FNBP1: variants seen among roughly 807,000 people sequenced by gnomAD.
The protein encoded by FNBP1 is formin binding protein 1, also known as formin-binding protein 1.
FNBP1 carries 26 observed loss-of-function variants against 90.6 expected under a neutral mutation model. The observed-to-expected ratio is 0.29, with a 90% CI of 0.21 to 0.40. The LOEUF (loss-of-function observed/expected upper bound fraction) is 0.40. FNBP1 is among the 10% of genes least tolerant of loss of function. The pLI is 1.00. For synonymous variants in FNBP1, 260 were observed against 265.2 expected, an observed-to-expected ratio of 0.98 and a Z score of 0.19; for missense variants, 635 against 768.0, an observed-to-expected ratio of 0.83 and a Z score of 2.05.
rs142485571 is a variant in FNBP1 at position 129,895,529 on chromosome 9, T to TA, written c.1846+308dup. On this transcript the variant is annotated intron_variant, in intron 16 of 16. Transcript: ENST00000446176. ...AGAAGCTACAATGCAACTTTTTTTT[T>TA]AATCTACAGATACCGCCAAAAGAAG... is the stretch of plus-strand genomic sequence containing the variant. 7.7e-3 allele frequency: 9,403 copies of TA among 1,213,734 alleles called. 45 individuals carry two copies. The highest frequency in any genetic ancestry group is 0.017 in the Middle Eastern group (54 of 3,130). 75.2% of individuals were successfully genotyped at this position (1,213,734 alleles called of 1,614,324 possible).
chr9:129,969,889 C>CTTTTTT (rs35399090), intron 4 of FNBP1, among the ~76,000 whole-genome samples: 1 of 132,544 alleles, frequency 7.5e-6, no homozygotes. Flanking sequence ...ATATTCCTAA[C>CTTTTTT]TTTTTTTTTT....
chr9:129,977,412 G>C (rs1457800912), intron 4 of FNBP1, among the ~76,000 whole-genome samples: 1 of 151,928 alleles, frequency 6.6e-6, no homozygotes, highest in African/African-American at 2.4e-5. Context: ...AGATAGCAAT[G>C]AATGAGCTGA....
intron 6 of FNBP1, among the ~76,000 whole-genome samples, chr9:129,943,420 CTT>C (rs1161516881): frequency 5.5e-5 from 2 of 36,234 alleles, no homozygotes; most frequent in East Asian, 2.3e-3. Context: ...GACTTTTGCT[CTT>C]GTTGCCCAGG....
chr9:129,901,132 C>T (rs2036853235), intron 13 of FNBP1, among the ~76,000 whole-genome samples: 1 of 152,154 alleles, frequency 6.6e-6, no homozygotes, highest in Non-Finnish European at 1.5e-5. Flanking sequence ...GAAGGCCGGG[C>T]GCGGTGGCCA....
At position 130,043,003 on chromosome 9, in the gene FNBP1, G is replaced by C; in HGVS notation, c.-28C>G. The C allele has an allele frequency of 8.2e-7, 1 of 1,223,924 alleles. No individual in the cohort carries two copies. Among genetic ancestry groups the C allele is most frequent in the Non-Finnish European group, 1.0e-6 (1 of 983,212 alleles). The allele number at this position is 1,223,924 out of a possible 1,614,324, so 75.8% of individuals were successfully genotyped here. On this transcript the variant is annotated 5_prime_UTR_variant, in exon 1 of 17. Coordinates refer to ENST00000446176, the MANE Select transcript of FNBP1 (RefSeq NM_015033.3). ...TGCAGGGGACGCGAAGGGGCGCTCC[G>C]CGCGGCGGGCGCGGCTCTCTGGTCC...
chr9:129,896,026 T>A (rs2035669329), intron 15 of FNBP1, 30 bp from the exon 16 acceptor site: 2 of 1,570,722 alleles, frequency 1.3e-6, no homozygotes, highest in South Asian at 1.2e-5. Flanking sequence ...ATATGTTAGA[T>A]GTCTTGGCAA....
chr9:129,992,962 C>T (rs910500154), intron 2 of FNBP1, among the ~76,000 whole-genome samples: 6 of 149,688 alleles, frequency 4.0e-5, no homozygotes, highest in Admixed American at 6.6e-5. Flanking sequence ...CACGGTGGCT[C>T]ACGCCTGTAA....
chr9:129,917,604 G>A (rs1156303135), intron 10 of FNBP1, among the ~76,000 whole-genome samples: 1 of 151,968 alleles, frequency 6.6e-6, no homozygotes, highest in East Asian at 1.9e-4. Flanking sequence ...CAAAGTGCTG[G>A]GATTACAGGT....
chr9:129,973,807 CT>C (rs993234891), intron 4 of FNBP1, among the ~76,000 whole-genome samples: 4 of 133,630 alleles, frequency 3.0e-5, no homozygotes, highest in Admixed American at 2.3e-4. Context: ...CTGGCCTCTT[CT>C]TTTTTTTTCT....
chr9:129,940,035 T>TA (rs1202817871), intron 6 of FNBP1, among the ~76,000 whole-genome samples: 8 of 151,326 alleles, frequency 5.3e-5, no homozygotes, highest in African/African-American at 1.2e-4. Flanking sequence ...ACTCCATTTC[T>TA]AAAAAAAAAT....
chr9:129,922,827 T>C (rs2131854390), intron 10 of FNBP1, among the ~76,000 whole-genome samples: 1 of 152,340 alleles, frequency 6.6e-6, no homozygotes, highest in East Asian at 1.9e-4. Flanking sequence ...CAATATTTTC[T>C]GACTTACACA....
intron 1 of FNBP1, among the ~76,000 whole-genome samples, chr9:130,032,002 A>G (rs994562061): frequency 1.1e-4 from 16 of 152,044 alleles, no homozygotes; most frequent in African/African-American, 3.9e-4. Context: ...CCTTTTATGT[A>G]CAAAGTTATA....
chr9:129,903,446 G>A (rs1003338531), intron 12 of FNBP1, among the ~76,000 whole-genome samples: 1 of 152,092 alleles, frequency 6.6e-6, no homozygotes, highest in Non-Finnish European at 1.5e-5. Context: ...GGACTATTGG[G>A]CCAGCTTCCA....
chr9:129,948,748 G>C (rs1004362269), intron 6 of FNBP1, among the ~76,000 whole-genome samples: 2 of 151,866 alleles, frequency 1.3e-5, no homozygotes, highest in African/African-American at 4.8e-5. Flanking sequence ...TCACCATTTG[G>C]CCAGCTGGTC....
At chr9:129,969,580 C>G (rs968286978) in intron 4 of FNBP1, among the ~76,000 whole-genome samples, 5 of 151,972 alleles carry the variant, frequency 3.3e-5, no homozygotes, top group African/African-American at 1.2e-4. Context: ...TTTTTAATAT[C>G]TCTTCCAATA....
At chr9:129,935,525 T>C (rs550815848) in intron 6 of FNBP1, among the ~76,000 whole-genome samples, 15 of 152,076 alleles carry the variant, frequency 9.9e-5, no homozygotes, top group East Asian at 3.9e-4. Context: ...TCTCACTCTG[T>C]TGCCCAGGCT....
the FNBP1 span, among the ~76,000 whole-genome samples, chr9:130,053,153 AAG>A: frequency 6.6e-6 from 1 of 152,168 alleles, no homozygotes; most frequent in Non-Finnish European, 1.5e-5. Context: ...GAAAGAAGCA[AAG>A]AAAGTTTCCA....
chr9:129,992,641 C>T (rs2053368140), intron 2 of FNBP1, among the ~76,000 whole-genome samples: 1 of 142,014 alleles, frequency 7.0e-6, no homozygotes, highest in South Asian at 2.2e-4. Flanking sequence ...GCAACCTCTG[C>T]CTCCTGGGCT....
At chr9:129,980,670 A>G (rs1186823159) in intron 2 of FNBP1, among the ~76,000 whole-genome samples, 2 of 4,586 alleles carry the variant, frequency 4.4e-4, no homozygotes, top group African/African-American at 1.7e-3. Flanking sequence ...GTAATCACAG[A>G]AAAAAAAAAA....
Sources: gnomAD v4.1 joint callset for allele counts (sites outside exome capture counted in the v4.1 genomes callset) on GRCh38, gnomAD v4.1.1 for gene constraint, MANE v1.5 for transcripts, NCBI Gene and HGNC (gene_info 2026-07-23, HGNC 2026-07-21) for gene names.